The following HACL1 variants were observed in gnomAD, a reference collection of about 807,000 sequenced individuals.
HACL1 encodes the protein 1600020H07Rik.
HACL1 carries 64 observed loss-of-function variants against 74.2 expected under a neutral mutation model. That is an observed-to-expected ratio of 0.86 (90% CI 0.70 to 1.06). The LOEUF (loss-of-function observed/expected upper bound fraction) is 1.06, where lower values mean the gene tolerates loss of function less well. Among genes scored for constraint, HACL1 ranks in the 50% least tolerant of loss-of-function variants. The pLI, the probability that HACL1 is intolerant of heterozygous loss-of-function variation, is 0.00. For missense variants in HACL1, 728 were observed against 719.7 expected, an observed-to-expected ratio of 1.01 and a Z score of -0.13; for synonymous variants, 230 against 238.8, an observed-to-expected ratio of 0.96 and a Z score of 0.34.
intron 7 of HACL1, among the ~76,000 whole-genome samples, chr3:15,583,997 C>T (rs956837610): frequency 1.3e-5 from 2 of 152,072 alleles, no homozygotes; most frequent in African/African-American, 2.4e-5. Flanking sequence ...ATTTTAGTAT[C>T]ATAATATGCA....
chr3:15,593,665 G>A (rs561188056), intron 3 of HACL1, among the ~76,000 whole-genome samples: 1 of 151,700 alleles, frequency 6.6e-6, no homozygotes, highest in South Asian at 2.1e-4. Flanking sequence ...TGACTGCTGA[G>A]TTCATTTTTG....
At chr3:15,590,516 C>T (rs2063872141) in intron 4 of HACL1, among the ~76,000 whole-genome samples, 1 of 152,156 alleles carries the variant, frequency 6.6e-6, no homozygotes, top group African/African-American at 2.4e-5. Flanking sequence ...TAGAACCTAA[C>T]CCCCCTCAAC....
intron 6 of HACL1, 124 bp from the exon 7 acceptor site, chr3:15,585,466 A>C (rs1055346638): frequency 4.8e-6 from 3 of 621,554 alleles, no homozygotes. Flanking sequence ...TGTGGAGAAA[A>C]AAATAATTAT....
At chr3:15,592,271 C>CGCATACATACGTGTATAT (rs2063934289) in intron 3 of HACL1, among the ~76,000 whole-genome samples, 1 of 135,296 alleles carries the variant, frequency 7.4e-6, no homozygotes, top group African/African-American at 2.9e-5. Flanking sequence ...TCCATATATA[C>CGCATACATACGTGTATAT]GTATACATAC....
At position 15,582,142 on chromosome 3, in the gene HACL1, G is replaced by C. The variant is rs373170502; in HGVS notation, c.667+735C>G. Among the ~76,000 whole-genome samples the C allele has an allele frequency of 3.3e-5, 5 of 152,258 alleles. No homozygotes were observed. The East Asian group carries it at 7.7e-4, about 24-fold the overall frequency. On this transcript the variant is annotated intron_variant, in intron 8 of 16. Transcript: ENST00000321169. ...TTGATAATTGATTAGCATGGTCATA[G>C]GTGATCCCAGCAGCCTCAGTTCCAG...
chr3:15,599,085 T>G (rs771083210), intron 2 of HACL1, among the ~76,000 whole-genome samples: 1 of 152,262 alleles, frequency 6.6e-6, no homozygotes, highest in Non-Finnish European at 1.5e-5. Context: ...CATCATCTCC[T>G]GTGGGAAGCT....
chr3:15,592,485 C>CAT (rs1206401571), intron 3 of HACL1, among the ~76,000 whole-genome samples: 1 of 146,592 alleles, frequency 6.8e-6, no homozygotes. Context: ...TATACATACA[C>CAT]TTGTATACAT....
At chr3:15,598,101 G>C (rs545177484) in intron 2 of HACL1, among the ~76,000 whole-genome samples, 1 of 151,016 alleles carries the variant, frequency 6.6e-6, no homozygotes, top group Admixed American at 6.6e-5. Flanking sequence ...ATTGGCTCAC[G>C]GCAACCTCCA....
chr3:15,593,782 G>GTTTTTTTT (rs200160002), intron 3 of HACL1, among the ~76,000 whole-genome samples: 1 of 123,736 alleles, frequency 8.1e-6, no homozygotes, highest in Non-Finnish European at 1.8e-5. Flanking sequence ...AATGTTTTGT[G>GTTTTTTTT]TTTTTTTTTT....
Position 15,573,238 on chromosome 3 carries a change from T to A in HACL1, c.914A>T (p.Asp305Val), listed in dbSNP as rs373945276. Residue 305 changes from aspartate to valine, a missense_variant, in exon 11 of 17, where the codon GAT (aspartate) becomes GTT (valine). Physicochemically the swap from Asp to Val is radical, Grantham distance 152. Transcript: ENST00000321169. Reference sequence around the variant, plus strand: ...ATTCCCCAATTCTTCTGCACAGATATCAACCTAAAAAAGAGACAAGGCTAA... The same window carrying A: ...ATTCCCCAATTCTTCTGCACAGATAACAACCTAAAAAAGAGACAAGGCTAA... ...YQPDVKFIQV[D>V]ICAEELGNNV... is the part of the protein sequence containing the mutation. 7 of 1,597,666 alleles carry A rather than the reference T, an allele frequency of 4.4e-6. No homozygotes were observed. Among genetic ancestry groups the A allele is most frequent in the South Asian group, 1.1e-5 (1 of 90,630 alleles).
Position 15,591,594 on chromosome 3 carries a change from C to T in HACL1, c.308+6G>A. 1 of 1,538,938 alleles carries T rather than the reference C, an allele frequency of 6.5e-7. No individual in the cohort carries two copies. The highest frequency in any genetic ancestry group is 9.0e-7 in the Non-Finnish European group (1 of 1,111,914). On this transcript the variant is annotated splice_donor_region_variant and intron_variant, in intron 4 of 16. Transcript: ENST00000321169. ...AAAATGTTTTCAGTAATAATAATGT[C>T]ATTACCAGCAGTTCATGTTTGCATT... is the stretch of plus-strand genomic sequence containing the variant.
At chr3:15,591,783 T>C in intron 3 of HACL1, 103 bp from the exon 4 acceptor site, 2 of 650,394 alleles carry the variant, frequency 3.1e-6, no homozygotes, top group Non-Finnish European at 5.6e-6. Context: ...AGGAAGGACA[T>C]ACAAGTCTTT....
At chr3:15,598,023 T>G (rs933051139) in intron 2 of HACL1, among the ~76,000 whole-genome samples, 3 of 150,038 alleles carry the variant, frequency 2.0e-5, no homozygotes, top group Non-Finnish European at 3.0e-5. Context: ...TTTGTTTTGT[T>G]TTTTTTTTTT....
chr3:15,589,225 G>A (rs1008042563), intron 5 of HACL1, among the ~76,000 whole-genome samples: 1 of 152,082 alleles, frequency 6.6e-6, no homozygotes, highest in Non-Finnish European at 1.5e-5. Flanking sequence ...GGCCAAGTGC[G>A]GTGGCTCATG....
chr3:15,575,986 T>A (rs549595299), intron 9 of HACL1, among the ~76,000 whole-genome samples: 2 of 147,920 alleles, frequency 1.4e-5, no homozygotes, highest in African/African-American at 5.0e-5. Context: ...TGAAACCCCA[T>A]CTCTACTAAA....
intron 13 of HACL1, 130 bp from the exon 14 acceptor site, chr3:15,568,132 C>T: frequency 2.4e-6 from 2 of 832,652 alleles, no homozygotes; most frequent in Non-Finnish European, 1.9e-6. Context: ...TCTCTTTCTT[C>T]AATATAAAAT....
chr3:15,590,199 C>T (rs574476806), intron 4 of HACL1, among the ~76,000 whole-genome samples: 2 of 152,112 alleles, frequency 1.3e-5, no homozygotes, highest in South Asian at 4.1e-4. Flanking sequence ...GGTATATTGA[C>T]ATAAAATAAA....
At chr3:15,571,825 TTTTC>T (rs367569522) in intron 11 of HACL1, 56 bp from the exon 12 acceptor site, 62 of 448,078 alleles carry the variant, frequency 1.4e-4, no homozygotes, top group Non-Finnish European at 1.8e-4. Flanking sequence ...TTTGCCTTTT[TTTTC>T]TTTTTTTTTT....
Position 15,573,080 on chromosome 3 carries a change from T to C in HACL1, c.993+79A>G, listed in dbSNP as rs546742137. The C allele has an allele frequency of 2.2e-3, 1,741 of 809,344 alleles. 3 individuals carry two copies. Among genetic ancestry groups the C allele is most frequent in the Non-Finnish European group, 3.3e-3 (1,517 of 458,546 alleles). 50.1% of individuals were successfully genotyped at this position (809,344 alleles called of 1,614,324 possible). On this transcript the variant is annotated intron_variant, in intron 11 of 16. Transcript: ENST00000321169. Reference sequence around the variant, plus strand: ...TATGAATAGTAGACCCGTTACCAAGTGAATCAAGATTAAAACATTTTCAAG... The same window carrying C: ...TATGAATAGTAGACCCGTTACCAAGCGAATCAAGATTAAAACATTTTCAAG...
Sources: allele counts gnomAD v4.1 joint callset (sites outside exome capture counted in the v4.1 genomes callset), GRCh38; gene constraint gnomAD v4.1.1; transcripts MANE v1.5; gene names NCBI Gene and HGNC (gene_info 2026-07-23, HGNC 2026-07-21).